The following GPLD1 variants were observed in gnomAD, a reference collection of about 807,000 sequenced individuals.
GPLD1 encodes the protein phosphatidylinositol-glycan-specific phospholipase D.
A neutral mutation model predicts 112.6 loss-of-function variants in GPLD1; 84 were observed. That is an observed-to-expected ratio of 0.75 (90% CI 0.63 to 0.89). The LOEUF is 0.89. Ranked by LOEUF, GPLD1 falls within the 40% of genes least tolerant of loss-of-function variation. GPLD1 has a pLI of 0.00. For synonymous variants in GPLD1, 386 were observed against 403.8 expected, an observed-to-expected ratio of 0.96 and a Z score of 0.53; for missense variants, 1,044 against 1,051.5, an observed-to-expected ratio of 0.99 and a Z score of 0.10.
At chr6:24,437,457 A>G (rs1373906401) in intron 20 of GPLD1, among the ~76,000 whole-genome samples, 168 bp from the exon 21 acceptor site, 3 of 152,220 alleles carry the variant, frequency 2.0e-5, no homozygotes, top group Non-Finnish European at 2.9e-5. Context: ...CTTGGGCACC[A>G]AGGCACAAAC....
At chr6:24,486,015 T>C (rs1393751499) in intron 2 of GPLD1, 60 bp downstream of exon 2, 2 of 987,462 alleles carry the variant, frequency 2.0e-6, no homozygotes, top group Admixed American at 3.9e-5. Flanking sequence ...AGGATCTTTG[T>C]TTGGCACCTA....
At chr6:24,485,482 CAAGT>C (rs1764339550) in intron 2 of GPLD1, among the ~76,000 whole-genome samples, 1 of 136,184 alleles carries the variant, frequency 7.3e-6, no homozygotes, top group Non-Finnish European at 1.7e-5. Flanking sequence ...AAAAATTTCT[CAAGT>C]ATTTTTTCAA....
chr6:24,432,872 A>G (rs1024897164), intron 24 of GPLD1, among the ~76,000 whole-genome samples: 3 of 152,162 alleles, frequency 2.0e-5, no homozygotes, highest in Admixed American at 6.5e-5. Context: ...TTTAAACTTC[A>G]TATGTTACAA....
intron 20 of GPLD1, among the ~76,000 whole-genome samples, chr6:24,441,325 A>G (rs1762741103): frequency 6.6e-6 from 1 of 151,484 alleles, no homozygotes; most frequent in Non-Finnish European, 1.5e-5. Flanking sequence ...AAAAAAAAGT[A>G]TATCAAAAAT....
chr6:24,433,380 C>T lies in GPLD1; in HGVS notation c.2368G>A (p.Val790Ile), dbSNP rs1762466016. Residue 790 changes from valine to isoleucine, a missense_variant, in exon 23 of 25, where the codon GTA (valine) becomes ATA (isoleucine). By Grantham distance (29) the Val-to-Ile change is conservative. Coordinates refer to ENST00000230036, the MANE Select transcript of GPLD1 (RefSeq NM_001503.4). ...ATACTTACTTCAGGAGAAATCAATA[C>T]ATATTGGGCCTGAAGAAAAAAATTG... is the stretch of plus-strand genomic sequence containing the variant. ...TPCPEEKAQY[V>I]LISPEASSRF... 6.2e-7 allele frequency: 1 copy of T among 1,607,078 alleles called. No homozygotes were observed. The highest frequency in any genetic ancestry group is 8.5e-7 in the Non-Finnish European group (1 of 1,174,656).
upstream of GPLD1, among the ~76,000 whole-genome samples, chr6:24,492,987 G>A (rs1051568768): frequency 2.6e-5 from 4 of 152,162 alleles, no homozygotes; most frequent in African/African-American, 9.7e-5. Context: ...TTAAACATTT[G>A]TGAGTGCTCC....
intron 1 of GPLD1, 63 bp downstream of exon 1, chr6:24,489,352 T>C: frequency 8.1e-7 from 1 of 1,232,676 alleles, no homozygotes; most frequent in Non-Finnish European, 1.2e-6. Context: ...TTTCAGTCTC[T>C]TCCTTAATGT....
chr6:24,495,185 C>T (rs1288315589), exon 1 of GPLD1: 1 of 1,503,342 alleles, frequency 6.7e-7, no homozygotes, highest in South Asian at 1.2e-5. Context: ...GCACCGACAG[C>T]TTCGTGGGCG....
intron 2 of GPLD1, among the ~76,000 whole-genome samples, chr6:24,482,932 G>A (rs1274898500): frequency 6.6e-6 from 1 of 152,086 alleles, no homozygotes; most frequent in African/African-American, 2.4e-5. Context: ...GTGACACAGT[G>A]AGACCCTATC....
chr6:24,447,636 A>G (rs754591208), intron 17 of GPLD1, among the ~76,000 whole-genome samples: 85 of 152,176 alleles, frequency 5.6e-4, no homozygotes, highest in Non-Finnish European at 9.1e-4. Context: ...ACATGGAGAC[A>G]CTATGGGAAT....
At chr6:24,459,312 G>T (rs908024515) in intron 12 of GPLD1, among the ~76,000 whole-genome samples, 3 of 152,026 alleles carry the variant, frequency 2.0e-5, no homozygotes, top group Non-Finnish European at 4.4e-5. Context: ...GGAGTGCAGT[G>T]GTGCAACCTC....
At chr6:24,459,058 T>G (rs1203831830) in intron 12 of GPLD1, among the ~76,000 whole-genome samples, 2 of 152,112 alleles carry the variant, frequency 1.3e-5, no homozygotes, top group African/African-American at 4.8e-5. Flanking sequence ...TAACTCATAT[T>G]CCTTGTCCTG....
At chr6:24,488,815 T>C (rs1189184611) in intron 1 of GPLD1, among the ~76,000 whole-genome samples, 1 of 152,190 alleles carries the variant, frequency 6.6e-6, no homozygotes, top group South Asian at 2.1e-4. Flanking sequence ...AGGATGACTC[T>C]GCCCTTGCCC....
chr6:24,464,702 C>G (rs931871597), intron 10 of GPLD1, among the ~76,000 whole-genome samples: 2 of 152,212 alleles, frequency 1.3e-5, no homozygotes, highest in African/African-American at 4.8e-5. Flanking sequence ...TGCTATGATC[C>G]TGACCTGGAA....
chr6:24,436,291 G>A (rs768167460), intron 22 of GPLD1, among the ~76,000 whole-genome samples: 2 of 152,198 alleles, frequency 1.3e-5, no homozygotes, highest in Non-Finnish European at 2.9e-5. Flanking sequence ...GCCATGGCCT[G>A]TTTTCTTTCT....
In GPLD1 at chr6:24,479,906, A is replaced by C; in HGVS notation, c.207T>G (p.Cys69Trp). 6.2e-7 allele frequency: 1 copy of C among 1,610,030 alleles called. No individual in the cohort carries two copies. The highest frequency in any genetic ancestry group is 8.5e-7 in the Non-Finnish European group (1 of 1,176,268). ...AYQAGIVFPD[C>W]FYPSICKGGK... ...CTCCTTTGCAGATGCTAGGGTAAAA[A>C]CAATCAGGAAACACGATTCCAGCCT... Residue 69 changes from cysteine (C) to tryptophan (W), a missense_variant, in exon 3 of 25, where the codon TGT becomes TGG. By Grantham distance (215) the Cys-to-Trp change is radical. Transcript: ENST00000230036.
chr6:24,483,654 G>A (rs905697036), intron 2 of GPLD1, among the ~76,000 whole-genome samples: 5 of 152,014 alleles, frequency 3.3e-5, no homozygotes, highest in Admixed American at 6.6e-5. Context: ...GTGACAGAGT[G>A]AGACTCCATC....
At chr6:24,460,638 G>A (rs943605558) in intron 11 of GPLD1, among the ~76,000 whole-genome samples, 4 of 151,978 alleles carry the variant, frequency 2.6e-5, no homozygotes, top group Non-Finnish European at 5.9e-5. Context: ...TATAATATCA[G>A]AGCTCTATGG....
At chr6:24,456,721 T>C in intron 12 of GPLD1, 84 bp from the exon 13 acceptor site, 1 of 873,488 alleles carries the variant, frequency 1.1e-6, no homozygotes, top group Non-Finnish European at 1.8e-6. Context: ...GTATTGGACT[T>C]GTGTAAAGGA....
Sources: gnomAD v4.1 joint callset for allele counts (sites outside exome capture counted in the v4.1 genomes callset) on GRCh38, gnomAD v4.1.1 for gene constraint, MANE v1.5 for transcripts, NCBI Gene and HGNC (gene_info 2026-07-23, HGNC 2026-07-21) for gene names.